Variants in ANKDD1A observed in about 807,000 individuals in gnomAD.
The protein encoded by ANKDD1A is ankyrin repeat and death domain containing 1A.
A neutral mutation model predicts 63.5 loss-of-function variants in ANKDD1A; 59 were observed. That is an observed-to-expected ratio of 0.93 (90% CI 0.75 to 1.15). ANKDD1A has a LOEUF of 1.15. Among genes scored for constraint, ANKDD1A ranks in the 50% most tolerant of loss-of-function variants. The pLI, the probability that ANKDD1A is intolerant of heterozygous loss-of-function variation, is 0.00. For synonymous variants in ANKDD1A, 266 were observed against 263.9 expected, an observed-to-expected ratio of 1.01 and a Z score of -0.08; for missense variants, 632 against 656.4, an observed-to-expected ratio of 0.96 and a Z score of 0.41.
At chr15:64,950,016 C>A (rs759329251) in intron 14 of ANKDD1A, 44 bp downstream of exon 14, 1 of 1,595,492 alleles carries the variant, frequency 6.3e-7, no homozygotes, top group Non-Finnish European at 8.5e-7. Flanking sequence ...AGCTGGGTGG[C>A]CCCCACTGGA....
rs1377664657 is a variant in ANKDD1A, at chr15:64,952,426, TC to T, written c.1483+2455del. Among the ~76,000 whole-genome samples the T allele has an allele frequency of 1.1e-3, 126 of 118,008 alleles. 2 individuals carry two copies. Among genetic ancestry groups the T allele is most frequent in the African/African-American group, 3.7e-3 (120 of 32,620 alleles). The allele number at this position is 118,008 out of a possible 152,430, so 77.4% of individuals were successfully genotyped here. A position where few individuals can be genotyped will look rare whatever the true frequency, so the allele number is the denominator to read the frequency against. On this transcript the variant is annotated intron_variant, in intron 14 of 14. Transcript: ENST00000319580. Reference sequence around the variant, plus strand: ...TTCTTCTTCTTCTCCTTCTTAGTTTTCTTCTCCTCCTCCTTTCTTCTTCTTA... The same window carrying T: ...TTCTTCTTCTTCTCCTTCTTAGTTTTTTCTCCTCCTCCTTTCTTCTTCTTA...
chr15:64,951,558 C>CTTCTGCTT (rs2085277927), intron 14 of ANKDD1A: 2 of 4,114 alleles, frequency 4.9e-4, no homozygotes, highest in Non-Finnish European at 3.1e-3. Flanking sequence ...TCTCTTCTTT[C>CTTCTGCTT]TTTTTCTTTT....
rs962612614 is a variant in ANKDD1A, at chr15:64,917,568, C to T, written c.267+54C>T. 4 of 1,525,236 alleles carry T rather than the reference C, an allele frequency of 2.6e-6. No homozygotes were observed. The African/African-American group carries it at 5.5e-5, about 21-fold the overall frequency. The allele number at this position is 1,525,236 out of a possible 1,614,324, so 94.5% of individuals were successfully genotyped here. On this transcript the variant is annotated intron_variant, in intron 3 of 14. Transcript: ENST00000319580. ...GGGTGGTGGGGGGCACTGGAGATCT[C>T]TCTGGGTCTATGAGCCAGTTGCCGA...
At chr15:64,954,700 TCTC>T (rs1159940018) in intron 14 of ANKDD1A, among the ~76,000 whole-genome samples, 11 of 145,842 alleles carry the variant, frequency 7.5e-5, no homozygotes, top group East Asian at 2.0e-4. Context: ...TCCTTGTTCT[TCTC>T]CTTCTTCTTC....
intron 3 of ANKDD1A, among the ~76,000 whole-genome samples, chr15:64,921,128 G>A (rs535302377): frequency 9.2e-5 from 14 of 152,008 alleles, no homozygotes; most frequent in Non-Finnish European, 1.6e-4. Context: ...GTGCCTCCAC[G>A]CCTGGCTTAT....
At chr15:64,938,151 A>G (rs1382151962) in intron 9 of ANKDD1A, among the ~76,000 whole-genome samples, 1 of 152,242 alleles carries the variant, frequency 6.6e-6, no homozygotes. Context: ...AGGAGAATAA[A>G]CAAATATCCC....
chr15:64,913,548 C>T (rs1018239197), intron 1 of ANKDD1A, among the ~76,000 whole-genome samples: 1 of 152,106 alleles, frequency 6.6e-6, no homozygotes, highest in African/African-American at 2.4e-5. Flanking sequence ...CTGCCTAACA[C>T]AGCTAGGAAG....
chr15:64,951,940 T>C (rs111167895), intron 14 of ANKDD1A, among the ~76,000 whole-genome samples: 75,589 of 140,134 alleles, frequency 0.54, 20,543 homozygotes, highest in East Asian at 0.85. Context: ...TTCCTTTCTT[T>C]TCTTCTTCTT....
In ANKDD1A at chr15:64,915,723, T is replaced by TGG. The variant is rs2084963699; in HGVS notation, c.35-72_35-71dup. On this transcript the variant is annotated intron_variant, in intron 1 of 14. Coordinates refer to ENST00000319580, the MANE Select transcript of ANKDD1A (RefSeq NM_182703.6). ...CTCCAGAAATGTTCAGGAGTGGAAA[T>TGG]GGGTTGTTTACCTCTCCTGTCTGCA... 1.1e-5 allele frequency: 14 copies of TGG among 1,295,456 alleles called. 1 individual carries two copies. In the South Asian group the frequency reaches 1.7e-4, roughly 16 times the overall value. 80.2% of individuals were successfully genotyped at this position (1,295,456 alleles called of 1,614,324 possible).
At chr15:64,939,485 C>T (rs1350475739) in intron 9 of ANKDD1A, among the ~76,000 whole-genome samples, 3 of 152,068 alleles carry the variant, frequency 2.0e-5, no homozygotes, top group Non-Finnish European at 4.4e-5. Flanking sequence ...GCTGGAGGCA[C>T]GTGCCTGTAG....
intron 12 of ANKDD1A, among the ~76,000 whole-genome samples, chr15:64,946,586 A>T (rs1307401197): frequency 6.6e-6 from 1 of 152,192 alleles, no homozygotes; most frequent in Non-Finnish European, 1.5e-5. Flanking sequence ...CAGAATCACA[A>T]ATCTCCCCTG....
In ANKDD1A at chr15:64,921,935, G is replaced by A. The variant is rs767882746; in HGVS notation, c.282G>A (p.Ala94=). The A allele has an allele frequency of 3.1e-6, 5 of 1,614,092 alleles. No individual in the cohort carries two copies. Among genetic ancestry groups the A allele is most frequent in the Admixed American group, 1.7e-5 (1 of 60,022 alleles). The change falls in exon 4 of 15, where the codon GCG becomes GCA. Residue 94 remains alanine, a synonymous_variant. Transcript: ENST00000319580. ...TEARLCFGMN[A]LLLSAWFGHL... is the part of the protein sequence containing the mutation. ...CTCTCCCCTAGTTTGGGATGAATGCGCTTCTCCTGTCTGCCTGGTTCGGCC... is the reference window on the plus strand; with the variant it reads ...CTCTCCCCTAGTTTGGGATGAATGCACTTCTCCTGTCTGCCTGGTTCGGCC...
intron 9 of ANKDD1A, among the ~76,000 whole-genome samples, chr15:64,934,484 C>CT (rs534887335): frequency 1.4e-4 from 19 of 139,608 alleles, no homozygotes; most frequent in Non-Finnish European, 2.2e-4. Context: ...TGCATTGGGG[C>CT]TTTTTTTTTT....
intron 14 of ANKDD1A, among the ~76,000 whole-genome samples, chr15:64,954,796 G>A (rs2085398265): frequency 7.6e-6 from 1 of 132,198 alleles, no homozygotes; most frequent in South Asian, 2.3e-4. Flanking sequence ...CTTCTCCTTA[G>A]TTGTTCTTCT....
At position 64,949,953 on chromosome 15, in the gene ANKDD1A, T is replaced by C; in HGVS notation, c.1464T>C (p.Ile488=). The C allele has an allele frequency of 6.2e-7, 1 of 1,610,264 alleles. No individual in the cohort carries two copies. Among genetic ancestry groups the C allele is most frequent in the Non-Finnish European group, 8.5e-7 (1 of 1,179,966 alleles). Residue 488 remains isoleucine, a synonymous_variant, in exon 14 of 15, where the codon ATT becomes ATC. Coordinates refer to ENST00000319580, the MANE Select transcript of ANKDD1A (RefSeq NM_182703.6). ...SKALFEGLVA[I]GRRDLAGWST... is the part of the protein sequence containing the mutation. ...CGCTGTTCGAGGGCCTCGTGGCCAT[T>C]GGCAGGAGGGACCTGGCTGGTAAGA...
rs1196656099 is a variant in ANKDD1A at position 64,952,534 on chromosome 15, T to G, written c.1483+2562T>G. ...CTTACTTTCTTCTTCCTTCGTCTTC[T>G]TCTCCTTCTCCTCCTCCTTCCTTCT... On this transcript the variant is annotated intron_variant, in intron 14 of 14. Transcript: ENST00000319580. Among the ~76,000 whole-genome samples the G allele has an allele frequency of 6.3e-3, 448 of 70,974 alleles. 1 individual carries two copies. Among genetic ancestry groups the G allele is most frequent in the African/African-American group, 0.02 (401 of 20,468 alleles). The allele number at this position is 70,974 out of a possible 152,430, so 46.6% of individuals were successfully genotyped here. A position where few individuals can be genotyped will look rare whatever the true frequency, so the allele number is the denominator to read the frequency against.
intron 8 of ANKDD1A, chr15:64,931,809 C>CT (rs934384926): frequency 3.3e-6 from 2 of 601,638 alleles, no homozygotes; most frequent in Non-Finnish European, 5.9e-6. Context: ...GTGACATTTA[C>CT]TTTTTTACAT....
intron 12 of ANKDD1A, 32 bp downstream of exon 12, chr15:64,944,779 T>C (rs1287607460): frequency 1.2e-6 from 2 of 1,602,924 alleles, no homozygotes; most frequent in African/African-American, 1.3e-5. Flanking sequence ...TCTTTCCTCA[T>C]TGGAAAGGGA....
chr15:64,930,756 C>T, intron 6 of ANKDD1A, 66 bp from the exon 7 acceptor site: 2 of 1,479,788 alleles, frequency 1.4e-6, no homozygotes, highest in Non-Finnish European at 1.9e-6. Context: ...GGCTGCAGCT[C>T]ATCACAGGTC....
Sources: allele counts gnomAD v4.1 joint callset (sites outside exome capture counted in the v4.1 genomes callset), GRCh38; gene constraint gnomAD v4.1.1; transcripts MANE v1.5; gene names NCBI Gene and HGNC (gene_info 2026-07-23, HGNC 2026-07-21).